The following CPED1 variants were observed in gnomAD, a reference collection of about 807,000 sequenced individuals.
The protein encoded by CPED1 is cadherin-like and PC-esterase domain-containing protein 1.
In CPED1, 114 loss-of-function variants were observed where a neutral mutation model predicts 128.2. The ratio of observed to expected loss-of-function variants is 0.89; its 90% confidence interval spans 0.76 to 1.04. CPED1 has a LOEUF of 1.04. Among genes scored for constraint, CPED1 ranks in the 50% least tolerant of loss-of-function variants. The pLI, the probability that CPED1 is intolerant of heterozygous loss-of-function variation, is 0.00. For missense variants in CPED1, 1,211 were observed against 1,207.1 expected (o/e 1.00, Z -0.05); for synonymous variants, 462 against 426.7 (o/e 1.08, Z -1.02).
Position 121,100,098 on chromosome 7 carries a change from A to C in CPED1, c.918+4A>C, listed in dbSNP as rs567896255. Reference sequence around the variant, plus strand: ...GAAAAAACGCTTCACTGTCAAGGTAAGCTCTCGGTTGAAGCTATTATTTCA... The same window carrying C: ...GAAAAAACGCTTCACTGTCAAGGTACGCTCTCGGTTGAAGCTATTATTTCA... On this transcript the variant is annotated splice_donor_region_variant and intron_variant, in intron 7 of 22. Transcript: ENST00000310396. 1 of 1,612,862 alleles carries C rather than the reference A, an allele frequency of 6.2e-7. No individual in the cohort carries two copies. Among genetic ancestry groups the C allele is most frequent in the South Asian group, 1.1e-5 (1 of 91,000 alleles).
intron 2 of CPED1, 74 bp from the exon 3 acceptor site, chr7:121,015,591 A>G (rs1792279584): frequency 5.2e-6 from 7 of 1,335,716 alleles, no homozygotes. Flanking sequence ...ATAGCCCTTG[A>G]TTTGCATTCA....
Position 121,038,971 on chromosome 7 carries a change from G to A in CPED1, c.434-7916G>A, listed in dbSNP as rs183573056. Among the ~76,000 whole-genome samples the A allele has an allele frequency of 1.6e-4, 24 of 151,980 alleles. 1 individual carries two copies. The highest frequency in any genetic ancestry group is 1.5e-3 in the Admixed American group (23 of 15,240). On this transcript the variant is annotated intron_variant, in intron 3 of 22. Coordinates refer to ENST00000310396, the MANE Select transcript of CPED1 (RefSeq NM_024913.5). ...CACGTTAACCTGATTATCTGACTGA[G>A]GTAATGTTTGCTAGGTTTTTCCACT...
intron 18 of CPED1, among the ~76,000 whole-genome samples, chr7:121,250,499 CA>C (rs1412600064): frequency 6.6e-6 from 1 of 152,036 alleles, no homozygotes; most frequent in Middle Eastern, 3.4e-3. Flanking sequence ...AATAGAGACA[CA>C]AAAAACCCTT....
At chr7:121,022,890 T>C (rs1406095281) in intron 3 of CPED1, among the ~76,000 whole-genome samples, 2 of 152,000 alleles carry the variant, frequency 1.3e-5, no homozygotes, top group Non-Finnish European at 2.9e-5. Context: ...AAAAAACATA[T>C]ATTATGATCC....
At chr7:121,210,492 CTGT>C (rs967533734) in intron 16 of CPED1, among the ~76,000 whole-genome samples, 6 of 151,938 alleles carry the variant, frequency 3.9e-5, no homozygotes, top group African/African-American at 1.4e-4. Context: ...GAATTAAATC[CTGT>C]TGTTTACAAC....
chr7:121,230,160 G>A (rs1359539140), intron 16 of CPED1, among the ~76,000 whole-genome samples: 2 of 151,962 alleles, frequency 1.3e-5, no homozygotes, highest in African/African-American at 2.4e-5. Context: ...CAATTCCCAT[G>A]ATAAAAGAAC....
intron 16 of CPED1, among the ~76,000 whole-genome samples, chr7:121,164,746 C>T (rs1243714663): frequency 6.6e-6 from 1 of 152,112 alleles, no homozygotes; most frequent in African/African-American, 2.4e-5. Context: ...TTCCATATTC[C>T]ATTTATTTGT....
intron 16 of CPED1, among the ~76,000 whole-genome samples, chr7:121,158,379 C>A (rs1423937267): frequency 2.6e-5 from 4 of 152,164 alleles, no homozygotes; most frequent in Non-Finnish European, 4.4e-5. Context: ...CCCAGTCTGG[C>A]ATTCAGCCCT....
Position 121,077,383 on chromosome 7 carries a change from ACAG to A in CPED1, c.616+13071_616+13073del, listed in dbSNP as rs1393908993. Among the ~76,000 whole-genome samples the A allele has an allele frequency of 2.0e-5, 3 of 150,318 alleles. No individual in the cohort carries two copies. The East Asian group carries it at 5.8e-4, about 29-fold the overall frequency. On this transcript the variant is annotated intron_variant, in intron 5 of 22. Transcript: ENST00000310396. The stretch of plus-strand genomic sequence containing the variant: ...TTTGCTTTTATTATGTCTTTATTAA[ACAG>A]TAAGACATTCATATGAAAAGAATAG...
chr7:121,069,355 A>T (rs1409084332), intron 5 of CPED1, among the ~76,000 whole-genome samples: 1 of 152,156 alleles, frequency 6.6e-6, no homozygotes, highest in Non-Finnish European at 1.5e-5. Context: ...CTGAAATCCC[A>T]TAATTCTGCT....
chr7:121,087,588 T>C (rs1258722473), intron 5 of CPED1, among the ~76,000 whole-genome samples: 4 of 152,122 alleles, frequency 2.6e-5, no homozygotes, highest in African/African-American at 9.7e-5. Context: ...TTTATTCAGC[T>C]TCCACTATCT....
At chr7:121,145,565 T>C (rs539872387) in intron 16 of CPED1, among the ~76,000 whole-genome samples, 1 of 152,222 alleles carries the variant, frequency 6.6e-6, no homozygotes, top group South Asian at 2.1e-4. Flanking sequence ...TGTGGACTGC[T>C]TTAGATACTT....
intron 22 of CPED1, among the ~76,000 whole-genome samples, chr7:121,288,045 T>C (rs1792620883): frequency 6.6e-6 from 1 of 152,192 alleles, no homozygotes; most frequent in African/African-American, 2.4e-5. Flanking sequence ...TGTTTGGTAA[T>C]TTTCTGTAAT....
intron 16 of CPED1, among the ~76,000 whole-genome samples, chr7:121,215,496 AATATCATCCCAG>A (rs2116606645): frequency 6.6e-6 from 1 of 152,236 alleles, no homozygotes; most frequent in Admixed American, 6.5e-5. Flanking sequence ...TTTATCTTGG[AATATCATCCCAG>A]ATATGTGGAT....
chr7:121,262,363 A>G (rs966114721), intron 18 of CPED1, among the ~76,000 whole-genome samples: 1 of 152,046 alleles, frequency 6.6e-6, no homozygotes, highest in Admixed American at 6.6e-5. Context: ...AACAAGCTTC[A>G]AGCTTTTGTA....
At chr7:121,213,358 C>A (rs983766513) in intron 16 of CPED1, among the ~76,000 whole-genome samples, 3 of 152,026 alleles carry the variant, frequency 2.0e-5, no homozygotes, top group African/African-American at 7.2e-5. Flanking sequence ...CTACCTCAAA[C>A]AGCTGCAAAG....
chr7:121,196,723 G>C (rs893752765), intron 16 of CPED1, among the ~76,000 whole-genome samples: 2 of 152,076 alleles, frequency 1.3e-5, no homozygotes, highest in Non-Finnish European at 2.9e-5. Context: ...AAAGGCTGAA[G>C]AGTGTTTCTT....
At chr7:121,028,304 G>T (rs773696930) in intron 3 of CPED1, among the ~76,000 whole-genome samples, 12 of 152,098 alleles carry the variant, frequency 7.9e-5, no homozygotes, top group Non-Finnish European at 1.5e-4. Flanking sequence ...TTTTATTATG[G>T]TTTTTCAGCT....
Position 121,081,834 on chromosome 7 carries a change from A to G in CPED1, c.617-15865A>G, listed in dbSNP as rs1040877231. Reference sequence around the variant, plus strand: ...TGTTACCCTAAAATAATAACAGGAGAGAACATTAATTTGTTGAACTTATCG... The same window carrying G: ...TGTTACCCTAAAATAATAACAGGAGGGAACATTAATTTGTTGAACTTATCG... On this transcript the variant is annotated intron_variant, in intron 5 of 22. Coordinates refer to ENST00000310396, the MANE Select transcript of CPED1 (RefSeq NM_024913.5). Among the ~76,000 whole-genome samples the G allele has an allele frequency of 2.0e-5, 3 of 152,182 alleles. No homozygotes were observed. The East Asian group carries it at 5.8e-4, about 29-fold the overall frequency.
Sources: allele counts gnomAD v4.1 joint callset (sites outside exome capture counted in the v4.1 genomes callset), GRCh38; gene constraint gnomAD v4.1.1; transcripts MANE v1.5; gene names NCBI Gene and HGNC (gene_info 2026-07-23, HGNC 2026-07-21).